Variants in AQP11 observed in about 807,000 individuals in gnomAD.
The protein encoded by AQP11 is aquaporin-11.
A neutral mutation model predicts 21.1 loss-of-function variants in AQP11; 20 were observed. That is an observed-to-expected ratio of 0.95 (90% CI 0.67 to 1.38). The LOEUF is 1.38. Among genes scored for constraint, AQP11 ranks in the 40% most tolerant of loss-of-function variants. The pLI, the probability that AQP11 is intolerant of heterozygous loss-of-function variation, is 0.00. For missense variants in AQP11, 339 were observed against 340.4 expected (o/e 1.00, Z 0.03); for synonymous variants, 167 against 150.1 (o/e 1.11, Z -0.82).
rs1199566191 is a variant in AQP11, at chr11:77,590,475, C to G, written c.483C>G (p.Val161=). Reference sequence around the variant, plus strand: ...TCGCTTGCAAGAATCCCATCCGAGTCGACTTGCTCAAAGCGGTCATCACAG... The same window carrying G: ...TCGCTTGCAAGAATCCCATCCGAGTGGACTTGCTCAAAGCGGTCATCACAG... ...RSFACKNPIR[V]DLLKAVITEA... The change falls in exon 1 of 3, where the codon GTC becomes GTG. Residue 161 remains valine (V), a synonymous_variant. Coordinates refer to ENST00000313578, the MANE Select transcript of AQP11 (RefSeq NM_173039.3). The G allele has an allele frequency of 4.3e-6, 7 of 1,614,154 alleles. No homozygotes were observed. The highest frequency in any genetic ancestry group is 1.7e-5 in the Admixed American group (1 of 60,026).
intron 1 of AQP11, among the ~76,000 whole-genome samples, chr11:77,591,985 G>T (rs1046042568): frequency 2.6e-5 from 4 of 152,170 alleles, no homozygotes; most frequent in Non-Finnish European, 1.5e-5. Flanking sequence ...AGTGAAGGGG[G>T]CCGGGCACGG....
At chr11:77,607,170 A>T (rs1029608405) in intron 2 of AQP11, among the ~76,000 whole-genome samples, 34 of 152,152 alleles carry the variant, frequency 2.2e-4, no homozygotes, top group African/African-American at 8.2e-4. Flanking sequence ...CAGCCATTGA[A>T]TTTTGTCATA....
At chr11:77,596,622 G>A (rs1540178) in intron 1 of AQP11, among the ~76,000 whole-genome samples, 17,364 of 142,724 alleles carry the variant, frequency 0.12, 1,490 homozygotes, top group Non-Finnish European at 0.17. Flanking sequence ...GGACCGGGAC[G>A]TCAAGACAGG....
chr11:77,596,477 T>TATATATGTAAATAG, intron 1 of AQP11, among the ~76,000 whole-genome samples: 1 of 141,380 alleles, frequency 7.1e-6, no homozygotes, highest in African/African-American at 2.6e-5. Flanking sequence ...TATGTAAATA[T>TATATATGTAAATAG]ATATGTGTAA....
intron 1 of AQP11, among the ~76,000 whole-genome samples, chr11:77,602,911 G>A (rs1174588819): frequency 6.6e-6 from 1 of 152,198 alleles, no homozygotes; most frequent in African/African-American, 2.4e-5. Flanking sequence ...CAGGCATCCA[G>A]CCTCCTCTTC....
At chr11:77,601,011 C>CA (rs1167196725) in intron 1 of AQP11, among the ~76,000 whole-genome samples, 2,369 of 80,076 alleles carry the variant, frequency 0.03, 53 homozygotes, top group African/African-American at 0.082. Flanking sequence ...GACTCCGTCT[C>CA]AAAAAAAAAA....
chr11:77,601,152 G>A (rs1274989274), intron 1 of AQP11, among the ~76,000 whole-genome samples: 2 of 152,184 alleles, frequency 1.3e-5, no homozygotes, highest in Non-Finnish European at 2.9e-5. Context: ...GAGGGAATAG[G>A]CCACTGCCAT....
At chr11:77,603,118 A>G (rs1473010203) in intron 1 of AQP11, among the ~76,000 whole-genome samples, 1 of 152,232 alleles carries the variant, frequency 6.6e-6, no homozygotes, top group African/African-American at 2.4e-5. Flanking sequence ...GCTTTGGTCT[A>G]TTGGTCCATT....
chr11:77,596,305 G>A (rs1958778048), intron 1 of AQP11, among the ~76,000 whole-genome samples: 1 of 151,312 alleles, frequency 6.6e-6, no homozygotes, highest in Admixed American at 6.6e-5. Context: ...GCCTGGCATG[G>A]TGGCGGGCGC....
chr11:77,603,081 A>C (rs557430736), intron 1 of AQP11, among the ~76,000 whole-genome samples: 1 of 152,344 alleles, frequency 6.6e-6, no homozygotes, highest in South Asian at 2.1e-4. Context: ...GGCTCTGTTG[A>C]CAAGTAAAAA....
Position 77,597,313 on chromosome 11 carries a change from T to A in AQP11, c.620-6243T>A, listed in dbSNP as rs566980098. Among the ~76,000 whole-genome samples the A allele has an allele frequency of 9.2e-5, 14 of 152,354 alleles. 1 individual carries two copies. The South Asian group carries it at 2.9e-3, about 32-fold the overall frequency. On this transcript the variant is annotated intron_variant, in intron 1 of 2. Coordinates refer to ENST00000313578, the MANE Select transcript of AQP11 (RefSeq NM_173039.3). The stretch of plus-strand genomic sequence containing the variant: ...CAGGCCAGGCGCAGTGGCTCATGTC[T>A]GTAATCCCAGCACTTTGGGAGGCCA...
intron 1 of AQP11, among the ~76,000 whole-genome samples, chr11:77,596,455 A>C (rs10899393): frequency 7.6e-6 from 1 of 131,760 alleles, no homozygotes. Context: ...AAAAAAAAAA[A>C]ATATATATAT....
rs993214295 is a variant in AQP11 at position 77,595,282 on chromosome 11, A to G, written c.619+4671A>G. On this transcript the variant is annotated intron_variant, in intron 1 of 2. Transcript: ENST00000313578. ...CTTGAACCTGGGAGGCAGAGGTTGCAGTGAGCTGAGGTCGTGCCATTGCAC... is the reference window on the plus strand; with the variant it reads ...CTTGAACCTGGGAGGCAGAGGTTGCGGTGAGCTGAGGTCGTGCCATTGCAC... Among the ~76,000 whole-genome samples, 9 of 152,140 alleles carry G rather than the reference A, an allele frequency of 5.9e-5. No individual in the cohort carries two copies. The East Asian group carries it at 1.7e-3, about 29-fold the overall frequency.
chr11:77,596,534 GTAAATATATATATATA>G (rs1958782725), intron 1 of AQP11, among the ~76,000 whole-genome samples: 1 of 62,314 alleles, frequency 1.6e-5, no homozygotes, highest in African/African-American at 5.9e-5. Context: ...AAATATATAT[GTAAATATATATATATA>G]TATATATATA....
intron 2 of AQP11, among the ~76,000 whole-genome samples, chr11:77,607,301 T>C (rs1366121853): frequency 6.6e-6 from 1 of 152,024 alleles, no homozygotes; most frequent in African/African-American, 2.4e-5. Context: ...AAAAGAATCA[T>C]TCAAAGAGTT....
chr11:77,603,179 T>C (rs886366432), intron 1 of AQP11, among the ~76,000 whole-genome samples: 1 of 152,250 alleles, frequency 6.6e-6, no homozygotes, highest in Non-Finnish European at 1.5e-5. Flanking sequence ...TCTTGGGTCA[T>C]TGTATCTATT....
intron 1 of AQP11, among the ~76,000 whole-genome samples, chr11:77,592,959 C>G (rs1388686391): frequency 1.3e-5 from 2 of 152,190 alleles, no homozygotes; most frequent in African/African-American, 4.8e-5. Flanking sequence ...ACAGGTGATC[C>G]CATTATGAAA....
rs866675056 is a variant in AQP11, at chr11:77,599,563, C to T, written c.620-3993C>T. ...CCTCCCAAAGTGCTGGGATTATAGG[C>T]GTGAGGCACCATGCCCAGCCCCAAA... On this transcript the variant is annotated intron_variant, in intron 1 of 2. Coordinates refer to ENST00000313578, the MANE Select transcript of AQP11 (RefSeq NM_173039.3). 4.0e-5 allele frequency among the ~76,000 whole-genome samples: 6 copies of T among 149,656 alleles called. No individual in the cohort carries two copies. The Middle Eastern group carries it at 0.011, about 271-fold the overall frequency.
chr11:77,609,324 A>C lies in AQP11; in HGVS notation c.763A>C (p.Ser255Arg). 1 of 1,612,914 alleles carries C rather than the reference A, an allele frequency of 6.2e-7. No individual in the cohort carries two copies. The highest frequency in any genetic ancestry group is 8.5e-7 in the Non-Finnish European group (1 of 1,179,580). The stretch of plus-strand genomic sequence containing the variant: ...TATATTGTTGATGATTTTGATGTTC[A>C]GCTTTTTCCTTCCATGGCTGCATAA... Reference protein sequence around the residue: ...LGILLMILMFSFFLPWLHNNH... With the variant: ...LGILLMILMFRFFLPWLHNNH... Residue 255 changes from serine (S) to arginine (R), a missense_variant, in exon 3 of 3, where the codon AGC becomes CGC. By Grantham distance (110) the Ser-to-Arg change is moderately radical. Transcript: ENST00000313578.
Sources: gnomAD v4.1 joint callset for allele counts (sites outside exome capture counted in the v4.1 genomes callset) on GRCh38, gnomAD v4.1.1 for gene constraint, MANE v1.5 for transcripts, NCBI Gene and HGNC (gene_info 2026-07-23, HGNC 2026-07-21) for gene names.